Variants in CDKL2 observed in about 807,000 individuals in gnomAD.
CDKL2 encodes cyclin dependent kinase like 2.
A neutral mutation model predicts 63.9 loss-of-function variants in CDKL2; 64 were observed. The observed-to-expected ratio is 1.00, with a 90% confidence interval of 0.82 to 1.23. The LOEUF (loss-of-function observed/expected upper bound fraction) is 1.23, where lower values mean the gene tolerates loss of function less well. Ranked by LOEUF, CDKL2 falls within the 50% of genes most tolerant of loss-of-function variation. The pLI, the probability that CDKL2 is intolerant of heterozygous loss-of-function variation, is 0.00. For synonymous variants in CDKL2, 211 were observed against 229.2 expected, an observed-to-expected ratio of 0.92 and a Z score of 0.72; for missense variants, 656 against 668.0, an observed-to-expected ratio of 0.98 and a Z score of 0.20.
Position 75,622,715 on chromosome 4 carries a change from C to CAAAAAA in CDKL2, c.168+3100_168+3105dup, listed in dbSNP as rs1171964321. 9.0e-3 allele frequency among the ~76,000 whole-genome samples: 125 copies of CAAAAAA among 13,944 alleles called. 4 individuals are homozygous for CAAAAAA. The highest frequency in any genetic ancestry group is 0.012 in the Admixed American group (7 of 606). 9.1% of individuals were successfully genotyped at this position (13,944 alleles called of 152,430 possible). On this transcript the variant is annotated intron_variant, in intron 2 of 13. Transcript: ENST00000307465. Reference sequence around the variant, plus strand: ...CCTGGGTGACAGAGCAAGACTCCATCAAAAAAAAAAAAAAAAAAAAAAAAA... The same window carrying CAAAAAA: ...CCTGGGTGACAGAGCAAGACTCCATCAAAAAAAAAAAAAAAAAAAAAAAAAAAAAAA...
At chr4:75,601,825 C>T (rs561776317) in intron 6 of CDKL2, among the ~76,000 whole-genome samples, 1 of 152,186 alleles carries the variant, frequency 6.6e-6, no homozygotes, top group East Asian at 1.9e-4. Context: ...ATTCTAAGAA[C>T]TTGTTTAATT....
At chr4:75,592,112 C>G (rs1473393030) in intron 11 of CDKL2, 34 bp downstream of exon 11, 1 of 1,499,026 alleles carries the variant, frequency 6.7e-7, no homozygotes, top group African/African-American at 1.4e-5. Context: ...ATAATCTAAA[C>G]AGACTACACA....
At chr4:75,609,817 T>C (rs995985019) in intron 3 of CDKL2, among the ~76,000 whole-genome samples, 1 of 152,020 alleles carries the variant, frequency 6.6e-6, no homozygotes, top group South Asian at 2.1e-4. Context: ...CTGCCATTGC[T>C]GAGCACGTTG....
intron 6 of CDKL2, 87 bp from the exon 7 acceptor site, chr4:75,600,456 A>G: frequency 6.8e-6 from 6 of 886,610 alleles, no homozygotes; most frequent in Non-Finnish European, 1.0e-5. Flanking sequence ...TCCTCTTTAT[A>G]GTCAACGATT....
chr4:75,597,278 G>C (rs375212232), intron 8 of CDKL2, 42 bp from the exon 9 acceptor site: 1 of 1,302,488 alleles, frequency 7.7e-7, no homozygotes, highest in African/African-American at 1.5e-5. Flanking sequence ...ATGATCTGAA[G>C]AGAATGAAAA....
chr4:75,581,376 T>C (rs566217002), intron 13 of CDKL2, among the ~76,000 whole-genome samples: 1 of 152,328 alleles, frequency 6.6e-6, no homozygotes, highest in South Asian at 2.1e-4. Flanking sequence ...GGTTATATCA[T>C]CTAGGTTTGT....
chr4:75,577,616 T>A lies in CDKL2; in HGVS notation c.*1586A>T, dbSNP rs1261518872. 1.3e-5 allele frequency among the ~76,000 whole-genome samples: 2 copies of A among 152,222 alleles called. No homozygotes were observed. Among genetic ancestry groups the A allele is most frequent in the African/African-American group, 2.4e-5 (1 of 41,470 alleles). On this transcript the variant is annotated 3_prime_UTR_variant, in exon 14 of 14. Coordinates refer to ENST00000307465, the MANE Select transcript of CDKL2 (RefSeq NM_001330724.2). ...GGCTTTAAGTATTACCTGTTTGCCA[T>A]GCTGCAGAATCTATTGGCAGTGTTT...
intron 2 of CDKL2, among the ~76,000 whole-genome samples, chr4:75,625,429 C>T (rs1390029415): frequency 1.3e-5 from 2 of 151,964 alleles, no homozygotes; most frequent in African/African-American, 4.8e-5. Flanking sequence ...CAAGCTGTTC[C>T]TACAGGAAAA....
chr4:75,609,204 C>T (rs892611017), intron 3 of CDKL2, among the ~76,000 whole-genome samples: 1 of 152,066 alleles, frequency 6.6e-6, no homozygotes, highest in African/African-American at 2.4e-5. Context: ...CAAGTATAGA[C>T]ATTCATCAGG....
intron 3 of CDKL2, 103 bp downstream of exon 3, chr4:75,614,152 C>A (rs1729824175): frequency 1.4e-6 from 1 of 702,462 alleles, no homozygotes; most frequent in South Asian, 2.0e-5. Flanking sequence ...TTAAAGTATA[C>A]TGATGTCTGC....
rs989128925 is a variant in CDKL2, at chr4:75,612,147, A to G, written c.363+2108T>C. 6.6e-5 allele frequency among the ~76,000 whole-genome samples: 10 copies of G among 151,460 alleles called. No individual in the cohort carries two copies. In the East Asian group the frequency reaches 1.7e-3, roughly 26 times the overall value. On this transcript the variant is annotated intron_variant, in intron 3 of 13. Coordinates refer to ENST00000307465, the MANE Select transcript of CDKL2 (RefSeq NM_001330724.2). ...CACCATGCCCGGCTAATTTTTTTATATTTTTAGTAGAGATGGGGTTTCACC... is the reference window on the plus strand; with the variant it reads ...CACCATGCCCGGCTAATTTTTTTATGTTTTTAGTAGAGATGGGGTTTCACC...
At chr4:75,601,147 C>T (rs1560581598) in intron 6 of CDKL2, among the ~76,000 whole-genome samples, 1 of 151,944 alleles carries the variant, frequency 6.6e-6, no homozygotes, top group South Asian at 2.1e-4. Context: ...CATTTAGATC[C>T]TAATTCAAAC....
intron 3 of CDKL2, among the ~76,000 whole-genome samples, chr4:75,608,316 G>C (rs530318806): frequency 6.7e-6 from 1 of 149,662 alleles, no homozygotes; most frequent in South Asian, 2.1e-4. Context: ...GTAGAGACGG[G>C]GTTTCACCAT....
At chr4:75,601,323 ATTATT>A (rs1164516516) in intron 6 of CDKL2, among the ~76,000 whole-genome samples, 15 of 152,112 alleles carry the variant, frequency 9.9e-5, no homozygotes, top group Non-Finnish European at 1.6e-4. Flanking sequence ...CTTTACAAAG[ATTATT>A]TTATTTTATT....
At chr4:75,585,492 T>C (rs565587323) in intron 12 of CDKL2, among the ~76,000 whole-genome samples, 4 of 152,096 alleles carry the variant, frequency 2.6e-5, no homozygotes, top group South Asian at 4.1e-4. Context: ...ACTCAGGAGG[T>C]TGATGGGGGA....
chr4:75,591,974 A>C (rs1728735008), intron 11 of CDKL2, 49 bp from the exon 12 acceptor site: 1 of 1,450,012 alleles, frequency 6.9e-7, no homozygotes, highest in African/African-American at 1.4e-5. Context: ...ACATTTTGTT[A>C]GTTTTTAGTT....
At chr4:75,617,155 T>G (rs547848162) in intron 2 of CDKL2, among the ~76,000 whole-genome samples, 1 of 152,156 alleles carries the variant, frequency 6.6e-6, no homozygotes, top group Non-Finnish European at 1.5e-5. Flanking sequence ...TGTTTACCTA[T>G]GTAACAAACC....
intron 3 of CDKL2, among the ~76,000 whole-genome samples, chr4:75,610,768 ATG>A (rs1729652826): frequency 6.6e-6 from 1 of 152,146 alleles, no homozygotes; most frequent in African/African-American, 2.4e-5. Context: ...TTGAGAATAA[ATG>A]TTCTCATTTT....
intron 6 of CDKL2, among the ~76,000 whole-genome samples, chr4:75,602,614 T>C (rs187691386): frequency 2.6e-5 from 4 of 152,202 alleles, no homozygotes; most frequent in African/African-American, 9.6e-5. Context: ...CTCTGTCTCC[T>C]GGGTTCAAGT....
Sources: allele counts gnomAD v4.1 joint callset (sites outside exome capture counted in the v4.1 genomes callset), GRCh38; gene constraint gnomAD v4.1.1; transcripts MANE v1.5; gene names NCBI Gene and HGNC (gene_info 2026-07-23, HGNC 2026-07-21).